Variants in EPHA7 observed in about 807,000 individuals in gnomAD.
The protein encoded by EPHA7 is ephrin type-A receptor 7.
EPHA7 carries 25 observed loss-of-function variants against 112.6 expected under a neutral mutation model. The ratio of observed to expected loss-of-function variants is 0.22; its 90% confidence interval spans 0.16 to 0.31. The LOEUF (loss-of-function observed/expected upper bound fraction) is 0.31, where lower values mean the gene tolerates loss of function less well. Ranked by LOEUF, EPHA7 falls within the 10% of genes least tolerant of loss-of-function variation. EPHA7 has a pLI of 1.00. For synonymous variants in EPHA7, 437 were observed against 406.5 expected (o/e 1.07, Z -0.90); for missense variants, 962 against 1,212.6 (o/e 0.79, Z 3.07).
At chr6:93,349,746 TA>T (rs922129647) in intron 5 of EPHA7, among the ~76,000 whole-genome samples, 3 of 151,846 alleles carry the variant, frequency 2.0e-5, no homozygotes, top group African/African-American at 7.2e-5. Context: ...CTAACAAGTA[TA>T]AAAATATACA....
chr6:93,253,925 T>C (rs767789809), intron 14 of EPHA7, among the ~76,000 whole-genome samples: 4 of 151,116 alleles, frequency 2.6e-5, no homozygotes, highest in Non-Finnish European at 5.9e-5. Context: ...TAAAAGCAAC[T>C]TTTTTTTTGC....
chr6:93,388,719 G>A (rs1034823339), intron 3 of EPHA7, among the ~76,000 whole-genome samples: 1 of 151,826 alleles, frequency 6.6e-6, no homozygotes, highest in Non-Finnish European at 1.5e-5. Context: ...AATCCAGGCA[G>A]AAAATTACAA....
At chr6:93,385,150 T>C (rs1219904598) in intron 3 of EPHA7, among the ~76,000 whole-genome samples, 2 of 152,180 alleles carry the variant, frequency 1.3e-5, no homozygotes, top group Non-Finnish European at 2.9e-5. Context: ...GAACTCATGC[T>C]ACCCATTTGC....
intron 7 of EPHA7, among the ~76,000 whole-genome samples, chr6:93,265,733 ACAAT>A (rs1770902434): frequency 6.6e-6 from 1 of 151,726 alleles, no homozygotes; most frequent in African/African-American, 2.4e-5. Flanking sequence ...TATCTCTGAA[ACAAT>A]CAAGAGCTGC....
At chr6:93,272,902 T>C (rs1380312111) in intron 5 of EPHA7, among the ~76,000 whole-genome samples, 1 of 151,962 alleles carries the variant, frequency 6.6e-6, no homozygotes, top group Non-Finnish European at 1.5e-5. Flanking sequence ...TGTTTCCATG[T>C]TTCACTTGGT....
chr6:93,316,580 A>ATC (rs1168053585), intron 5 of EPHA7, among the ~76,000 whole-genome samples: 2 of 152,162 alleles, frequency 1.3e-5, no homozygotes, highest in Non-Finnish European at 2.9e-5. Flanking sequence ...TCTTCTGAGT[A>ATC]TCTACCTATC....
chr6:93,319,103 A>G (rs79125623), intron 5 of EPHA7, among the ~76,000 whole-genome samples: 11,120 of 152,188 alleles, frequency 0.073, 468 homozygotes, highest in South Asian at 0.16. Flanking sequence ...AAGGAAAAGA[A>G]ATATCTCTAT....
chr6:93,293,812 G>C (rs1382167718), intron 5 of EPHA7, among the ~76,000 whole-genome samples: 1 of 152,076 alleles, frequency 6.6e-6, no homozygotes, highest in African/African-American at 2.4e-5. Flanking sequence ...GTTAATTATG[G>C]TTCCTTTGTC....
At chr6:93,358,198 A>G (rs2127946788) in intron 4 of EPHA7, 58 bp downstream of exon 4, 1 of 1,330,174 alleles carries the variant, frequency 7.5e-7, no homozygotes, top group East Asian at 2.6e-5. Flanking sequence ...TTGATGTCAC[A>G]ACAGTACAAA....
At chr6:93,265,060 C>T (rs993957375) in intron 7 of EPHA7, among the ~76,000 whole-genome samples, 8 of 151,474 alleles carry the variant, frequency 5.3e-5, no homozygotes, top group African/African-American at 1.9e-4. Flanking sequence ...GATTTTGATC[C>T]CTTTGTGTCT....
At chr6:93,326,810 A>G (rs1045214807) in intron 5 of EPHA7, among the ~76,000 whole-genome samples, 3 of 151,546 alleles carry the variant, frequency 2.0e-5, no homozygotes, top group Non-Finnish European at 3.0e-5. Context: ...AAGCACATCA[A>G]TGAATGGGCA....
intron 1 of EPHA7, among the ~76,000 whole-genome samples, chr6:93,417,371 C>T (rs1779290590): frequency 6.6e-6 from 1 of 152,126 alleles, no homozygotes; most frequent in Non-Finnish European, 1.5e-5. Flanking sequence ...GAGGCGTCGC[C>T]GCCTAGAAGC....
intron 1 of EPHA7, 54 bp downstream of exon 1, chr6:93,419,190 AG>A: frequency 6.8e-7 from 1 of 1,460,998 alleles, no homozygotes; most frequent in Non-Finnish European, 9.5e-7. Flanking sequence ...TGGCTTGTGC[AG>A]GTAGACATCT....
At chr6:93,401,967 A>G (rs1454910901) in intron 3 of EPHA7, among the ~76,000 whole-genome samples, 1 of 152,034 alleles carries the variant, frequency 6.6e-6, no homozygotes, top group Non-Finnish European at 1.5e-5. Context: ...ACAGAAAAAC[A>G]AATCAAATGC....
At chr6:93,369,678 C>T (rs551569382) in intron 3 of EPHA7, among the ~76,000 whole-genome samples, 8 of 152,312 alleles carry the variant, frequency 5.3e-5, no homozygotes. Flanking sequence ...CATGTGTCCT[C>T]TAACTCACCG....
intron 5 of EPHA7, among the ~76,000 whole-genome samples, chr6:93,309,624 A>C: frequency 6.6e-6 from 1 of 152,120 alleles, no homozygotes; most frequent in East Asian, 1.9e-4. Flanking sequence ...TGAATTTCAT[A>C]AACTGTGATC....
intron 13 of EPHA7, among the ~76,000 whole-genome samples, 174 bp downstream of exon 13, chr6:93,255,654 T>C (rs1390784175): frequency 2.0e-5 from 3 of 151,914 alleles, no homozygotes; most frequent in Non-Finnish European, 4.4e-5. Flanking sequence ...ATATATATTG[T>C]ACAAACAATG....
chr6:93,384,826 A>T (rs1411997780), intron 3 of EPHA7, among the ~76,000 whole-genome samples: 1 of 152,204 alleles, frequency 6.6e-6, no homozygotes, highest in Non-Finnish European at 1.5e-5. Flanking sequence ...CATGAAAATC[A>T]GTGTTAATTT....
intron 9 of EPHA7, among the ~76,000 whole-genome samples, chr6:93,260,972 T>G (rs955602129): frequency 6.6e-6 from 1 of 151,656 alleles, no homozygotes; most frequent in Non-Finnish European, 1.5e-5. Flanking sequence ...CTTTCTTTCA[T>G]TTTTTTAAAA....
Sources: allele counts gnomAD v4.1 joint callset (sites outside exome capture counted in the v4.1 genomes callset), GRCh38; gene constraint gnomAD v4.1.1; transcripts MANE v1.5; gene names NCBI Gene and HGNC (gene_info 2026-07-23, HGNC 2026-07-21).